CSMD1: variants seen among roughly 807,000 people sequenced by gnomAD.
The protein encoded by CSMD1 is CUB and Sushi multiple domains 1.
CSMD1 carries 213 observed loss-of-function variants against 417.5 expected under a neutral mutation model. The observed-to-expected ratio is 0.51, with a 90% CI of 0.46 to 0.57. The LOEUF (loss-of-function observed/expected upper bound fraction) is 0.57, where lower values mean the gene tolerates loss of function less well. CSMD1 is among the 20% of genes least tolerant of loss of function. The pLI is 0.00. For synonymous variants in CSMD1, 2,862 were observed against 1,736.8 expected (o/e 1.65, Z -16.11); for missense variants, 6,923 against 4,529.7 (o/e 1.53, Z -15.17).
At chr8:3,867,785 A>G (rs1003369898) in intron 5 of CSMD1, among the ~76,000 whole-genome samples, 1 of 152,114 alleles carries the variant, frequency 6.6e-6, no homozygotes, top group Non-Finnish European at 1.5e-5. Flanking sequence ...CTTCCTGTAT[A>G]TGTGGAGTAT....
intron 6 of CSMD1, among the ~76,000 whole-genome samples, chr8:3,726,528 G>A (rs1399484048): frequency 1.3e-5 from 2 of 152,160 alleles, no homozygotes; most frequent in Non-Finnish European, 2.9e-5. Flanking sequence ...TTATTCTCTT[G>A]CATAGTTTGG....
At chr8:3,764,425 G>T (rs1446929512) in intron 5 of CSMD1, among the ~76,000 whole-genome samples, 1 of 152,162 alleles carries the variant, frequency 6.6e-6, no homozygotes, top group Non-Finnish European at 1.5e-5. Flanking sequence ...ACGTATGAGT[G>T]TGAGACACCT....
chr8:4,372,797 G>A (rs959683025), intron 3 of CSMD1, among the ~76,000 whole-genome samples: 1 of 150,966 alleles, frequency 6.6e-6, no homozygotes, highest in African/African-American at 2.4e-5. Context: ...AAATATACTT[G>A]AGTGCATACT....
intron 5 of CSMD1, among the ~76,000 whole-genome samples, chr8:3,843,711 T>C (rs147154200): frequency 2.6e-5 from 4 of 152,144 alleles, no homozygotes; most frequent in Non-Finnish European, 4.4e-5. Context: ...CAGACCTAGT[T>C]TGAGCACTGA....
chr8:3,549,280 G>C (rs765428927), intron 10 of CSMD1, among the ~76,000 whole-genome samples: 4 of 152,218 alleles, frequency 2.6e-5, no homozygotes, highest in Non-Finnish European at 5.9e-5. Flanking sequence ...CAGTGACTGT[G>C]TGTCCTGCAA....
chr8:3,442,073 TA>T (rs919532932), intron 12 of CSMD1, among the ~76,000 whole-genome samples: 93 of 140,432 alleles, frequency 6.6e-4, no homozygotes, highest in African/African-American at 9.4e-4. Flanking sequence ...TTTTAAAAAG[TA>T]AAAAAAAAAA....
chr8:3,705,813 C>T (rs954917011), intron 7 of CSMD1, among the ~76,000 whole-genome samples: 8 of 152,142 alleles, frequency 5.3e-5, no homozygotes, highest in Non-Finnish European at 1.5e-5. Flanking sequence ...TGGGGTGAAG[C>T]AGAAGTGGAG....
At chr8:3,598,712 C>A (rs1801211173) in intron 8 of CSMD1, among the ~76,000 whole-genome samples, 2 of 152,150 alleles carry the variant, frequency 1.3e-5, no homozygotes, top group Non-Finnish European at 2.9e-5. Flanking sequence ...AAAAACCTCC[C>A]TAGAGATGGC....
At chr8:3,615,651 T>C (rs1003144005) in intron 8 of CSMD1, among the ~76,000 whole-genome samples, 23 of 152,208 alleles carry the variant, frequency 1.5e-4, no homozygotes, top group Admixed American at 9.2e-4. Flanking sequence ...ACGACCGTTG[T>C]TACTCCAATT....
intron 8 of CSMD1, among the ~76,000 whole-genome samples, chr8:3,615,852 G>C (rs907872392): frequency 6.6e-6 from 1 of 151,934 alleles, no homozygotes; most frequent in Non-Finnish European, 1.5e-5. Context: ...TCTAATAATT[G>C]CATCCATCTT....
At chr8:3,728,038 G>T (rs1362753375) in intron 6 of CSMD1, among the ~76,000 whole-genome samples, 1 of 152,152 alleles carries the variant, frequency 6.6e-6, no homozygotes, top group African/African-American at 2.4e-5. Flanking sequence ...CAATGCCCCT[G>T]AATTGTACAT....
chr8:4,401,841 C>A (rs777582871), intron 3 of CSMD1, among the ~76,000 whole-genome samples: 2 of 152,118 alleles, frequency 1.3e-5, no homozygotes, highest in Non-Finnish European at 2.9e-5. Flanking sequence ...TGCTCATCAT[C>A]ATTTCCTGAC....
At chr8:3,420,287 A>G (rs940798084) in intron 12 of CSMD1, among the ~76,000 whole-genome samples, 4 of 152,100 alleles carry the variant, frequency 2.6e-5, no homozygotes, top group African/African-American at 9.7e-5. Flanking sequence ...TCTACACAAT[A>G]CCAACCAGGA....
chr8:4,298,052 T>C (rs1797779522), intron 3 of CSMD1, among the ~76,000 whole-genome samples: 1 of 152,136 alleles, frequency 6.6e-6, no homozygotes, highest in African/African-American at 2.4e-5. Context: ...CAAGCATCAC[T>C]ACCAGTACAT....
At chr8:3,216,028 A>G (rs1797861919) in intron 29 of CSMD1, among the ~76,000 whole-genome samples, 1 of 149,068 alleles carries the variant, frequency 6.7e-6, no homozygotes, top group African/African-American at 2.4e-5. Flanking sequence ...TATAATTTAC[A>G]TACTTTGATT....
At chr8:4,333,510 T>TA (rs1799991465) in intron 3 of CSMD1, among the ~76,000 whole-genome samples, 5 of 152,196 alleles carry the variant, frequency 3.3e-5, no homozygotes, top group Admixed American at 3.3e-4. Flanking sequence ...AGCACTACTC[T>TA]CATTTCATAA....
chr8:3,181,009 A>T, intron 37 of CSMD1, 101 bp downstream of exon 37: 1 of 755,274 alleles, frequency 1.3e-6, no homozygotes, highest in Non-Finnish European at 2.2e-6. Context: ...AGTTTTAGAA[A>T]AATAATATTT....
At chr8:4,667,400 T>C (rs1354562612) in intron 1 of CSMD1, among the ~76,000 whole-genome samples, 4 of 152,052 alleles carry the variant, frequency 2.6e-5, no homozygotes, top group African/African-American at 4.8e-5. Context: ...TGCCTGCTGA[T>C]ATTTTGATTT....
rs919686382 is a variant in CSMD1, at chr8:3,929,715, G to A, written c.818+68188C>T. ...TTCACTCTGTCTCCCAGGCTGGAGT[G>A]CATTGGCACAATCTCGGCTCACTGC... On this transcript the variant is annotated intron_variant, in intron 5 of 69. Coordinates refer to ENST00000635120, the MANE Select transcript of CSMD1 (RefSeq NM_033225.6). Among the ~76,000 whole-genome samples the A allele has an allele frequency of 2.1e-4, 31 of 149,448 alleles. 3 individuals are homozygous for A. The highest frequency in any genetic ancestry group is 1.3e-3 in the Admixed American group (19 of 15,004).
Sources: allele counts gnomAD v4.1 joint callset (sites outside exome capture counted in the v4.1 genomes callset), GRCh38; gene constraint gnomAD v4.1.1; transcripts MANE v1.5; gene names NCBI Gene and HGNC (gene_info 2026-07-23, HGNC 2026-07-21).